Variants in PAPSS2 observed in about 807,000 individuals in gnomAD.
PAPSS2 encodes the protein 3'-phosphoadenosine 5'-phosphosulfate synthase 2, also known as bifunctional 3'-phosphoadenosine 5'-phosphosulfate synthase 2.
PAPSS2 carries 61 observed loss-of-function variants against 66.5 expected under a neutral mutation model. The ratio of observed to expected loss-of-function variants is 0.92; its 90% CI spans 0.75 to 1.14. The LOEUF (loss-of-function observed/expected upper bound fraction) is 1.14. Among genes scored for constraint, PAPSS2 ranks in the 50% most tolerant of loss-of-function variants. The probability of loss-of-function intolerance (pLI) is 0.00; values close to 1 mark genes in which losing one functional copy is unlikely to be tolerated. For synonymous variants in PAPSS2, 289 were observed against 287.5 expected (o/e 1.01, Z -0.05); for missense variants, 708 against 789.6 (o/e 0.90, Z 1.24).
chr10:87,691,068 C>T (rs551936333), intron 1 of PAPSS2, among the ~76,000 whole-genome samples: 1 of 152,170 alleles, frequency 6.6e-6, no homozygotes, highest in Non-Finnish European at 1.5e-5. Context: ...CTGTAGAGCT[C>T]ATCTTACAGT....
intron 1 of PAPSS2, among the ~76,000 whole-genome samples, chr10:87,701,324 C>CT (rs1480885308): frequency 3.2e-3 from 245 of 75,850 alleles, no homozygotes; most frequent in African/African-American, 6.7e-3. Context: ...TCCTTCCTTC[C>CT]TTCCTTTCTT....
At chr10:87,678,211 A>G (rs994198923) in intron 1 of PAPSS2, among the ~76,000 whole-genome samples, 2 of 152,186 alleles carry the variant, frequency 1.3e-5, no homozygotes, top group Admixed American at 6.5e-5. Context: ...ACCCTCTTCA[A>G]TAAATGGTGC....
chr10:87,691,034 T>G (rs1853165533), intron 1 of PAPSS2, among the ~76,000 whole-genome samples: 1 of 152,160 alleles, frequency 6.6e-6, no homozygotes, highest in Non-Finnish European at 1.5e-5. Flanking sequence ...TTTCTATCTT[T>G]CTACACAGTG....
At position 87,680,206 on chromosome 10, in the gene PAPSS2, T is replaced by A. The variant is rs77167194; in HGVS notation, c.27+20198T>A. On this transcript the variant is annotated intron_variant, in intron 1 of 12. Coordinates refer to ENST00000456849, the MANE Select transcript of PAPSS2 (RefSeq NM_001015880.2). The stretch of plus-strand genomic sequence containing the variant: ...GTTGTCCAGTTGTCACTTTGGGCAC[T>A]AAAGAGGGACTTACTCTCAGATTTG... 5.6e-3 allele frequency among the ~76,000 whole-genome samples: 846 copies of A among 152,326 alleles called. 9 individuals carry two copies. Among genetic ancestry groups the A allele is most frequent in the African/African-American group, 0.019 (794 of 41,570 alleles).
At position 87,727,386 on chromosome 10, in the gene PAPSS2, G is replaced by A. The variant is rs147682410; in HGVS notation, c.983G>A (p.Arg328Gln). The change falls in exon 9 of 13, where the codon CGG becomes CAG. Residue 328 changes from arginine to glutamine, a missense_variant. Physicochemically the swap from Arg to Gln is conservative, Grantham distance 43 (BLOSUM62 1). Transcript: ENST00000456849. Reference sequence around the variant, plus strand: ...AAGTTTGTCCTGGCACATGGTGGACGGAGGGTAGCTATCTTACGAGACGCT... The same window carrying A: ...AAGTTTGTCCTGGCACATGGTGGACAGAGGGTAGCTATCTTACGAGACGCT... ...CSKFVLAHGG[R>Q]RVAILRDAEF... is the part of the protein sequence containing the mutation. 44 of 1,614,026 alleles carry A rather than the reference G, an allele frequency of 2.7e-5. No individual in the cohort carries two copies. Among genetic ancestry groups the A allele is most frequent in the Non-Finnish European group, 3.6e-5 (42 of 1,179,932 alleles).
At position 87,745,036 on chromosome 10, in the gene PAPSS2, G is replaced by A. The variant is rs746788892; in HGVS notation, c.1526G>A (p.Gly509Asp). ...QWHCRSRMIAGANFYIVGRDP... is the reference protein window; with the variant it reads ...QWHCRSRMIADANFYIVGRDP... The stretch of plus-strand genomic sequence containing the variant: ...CACTGCAGGTCCCGGATGATTGCGG[G>A]TGCCAATTTCTACATTGTGGGGAGG... Residue 509 changes from glycine (G) to aspartate (D), a missense_variant, in exon 12 of 13, where the codon GGT becomes GAT. Physicochemically the swap from Gly to Asp is moderately conservative, Grantham distance 94. Transcript: ENST00000456849. 8.7e-6 allele frequency: 14 copies of A among 1,614,010 alleles called. No homozygotes were observed. Among genetic ancestry groups the A allele is most frequent in the African/African-American group, 2.7e-5 (2 of 74,928 alleles).
intron 8 of PAPSS2, among the ~76,000 whole-genome samples, chr10:87,723,940 GT>G (rs1853627241): frequency 6.6e-6 from 1 of 152,128 alleles, no homozygotes; most frequent in Admixed American, 6.5e-5. Context: ...GGAGTTAAAT[GT>G]TTTCTTTATT....
At chr10:87,688,426 T>C (rs907966908) in intron 1 of PAPSS2, among the ~76,000 whole-genome samples, 5 of 140,886 alleles carry the variant, frequency 3.5e-5, no homozygotes, top group African/African-American at 1.3e-4. Flanking sequence ...TGAAGAACTA[T>C]GGAAATTTCT....
chr10:87,663,342 C>A (rs1258737284), intron 1 of PAPSS2, among the ~76,000 whole-genome samples: 1 of 152,042 alleles, frequency 6.6e-6, no homozygotes, highest in Non-Finnish European at 1.5e-5. Flanking sequence ...GAACTCCTGA[C>A]CTCAGGTGAT....
chr10:87,704,065 C>A, intron 1 of PAPSS2: 1 of 490,348 alleles, frequency 2.0e-6, no homozygotes, highest in East Asian at 5.7e-5. Flanking sequence ...ACTCTGCCCC[C>A]TTGCAGTTCA....
intron 9 of PAPSS2, among the ~76,000 whole-genome samples, chr10:87,730,074 G>A (rs1433462153): frequency 6.6e-6 from 1 of 152,218 alleles, no homozygotes; most frequent in African/African-American, 2.4e-5. Flanking sequence ...AAAAGTTCTT[G>A]AAGGAAATTA....
intron 10 of PAPSS2, among the ~76,000 whole-genome samples, chr10:87,743,063 T>C (rs1247162767): frequency 6.6e-6 from 1 of 152,078 alleles, no homozygotes; most frequent in Non-Finnish European, 1.5e-5. Flanking sequence ...CTGGCCAACA[T>C]GGTGAAACCC....
intron 10 of PAPSS2, 89 bp downstream of exon 10, chr10:87,741,459 A>T (rs1274440609): frequency 8.9e-7 from 1 of 1,128,590 alleles, no homozygotes; most frequent in East Asian, 2.6e-5. Flanking sequence ...CAATGGCACG[A>T]TCTCAGCTCA....
intron 11 of PAPSS2, among the ~76,000 whole-genome samples, chr10:87,744,242 C>T (rs2131731781): frequency 6.6e-6 from 1 of 152,284 alleles, no homozygotes; most frequent in South Asian, 2.1e-4. Context: ...ACCTAATATT[C>T]AATTTCAGAA....
At chr10:87,723,700 C>T (rs1853624424) in intron 8 of PAPSS2, among the ~76,000 whole-genome samples, 1 of 152,044 alleles carries the variant, frequency 6.6e-6, no homozygotes, top group African/African-American at 2.4e-5. Context: ...CGGTGACATT[C>T]TTTAGGTTCT....
rs753874944 is a variant in PAPSS2 at position 87,709,198 on chromosome 10, G to C, written c.30G>C (p.Glu10Asp). The C allele has an allele frequency of 8.7e-6, 14 of 1,603,284 alleles. No individual in the cohort carries two copies. The East Asian group carries it at 3.1e-4, about 36-fold the overall frequency. Reference protein sequence around the residue: MSGIKKQKTENQQKSTNVVY... With the variant: MSGIKKQKTDNQQKSTNVVY... Reference sequence around the variant, plus strand: ...CTTGGTTTTGTCTTATTTTATAGGAGAACCAGCAGAAATCCACCAATGTAG... The same window carrying C: ...CTTGGTTTTGTCTTATTTTATAGGACAACCAGCAGAAATCCACCAATGTAG... Residue 10 changes from glutamate to aspartate, a missense_variant and splice_region_variant, in exon 2 of 13, where the codon GAG (glutamate) becomes GAC (aspartate). Coordinates refer to ENST00000456849, the MANE Select transcript of PAPSS2 (RefSeq NM_001015880.2).
chr10:87,729,937 A>G (rs1853708423), intron 9 of PAPSS2, among the ~76,000 whole-genome samples: 1 of 152,180 alleles, frequency 6.6e-6, no homozygotes. Flanking sequence ...TGGAGGTTGC[A>G]CTGAGCCGAG....
chr10:87,707,433 A>C (rs949642380), intron 1 of PAPSS2, among the ~76,000 whole-genome samples: 1 of 151,916 alleles, frequency 6.6e-6, no homozygotes, highest in Non-Finnish European at 1.5e-5. Context: ...GAACTTTGCC[A>C]TTTGCATGTT....
Position 87,741,246 on chromosome 10 carries a change from A to C in PAPSS2, c.1098A>C (p.Glu366Asp). 1.9e-6 allele frequency: 3 copies of C among 1,613,834 alleles called. No homozygotes were observed. Among genetic ancestry groups the C allele is most frequent in the Non-Finnish European group, 2.5e-6 (3 of 1,179,686 alleles). Residue 366 changes from glutamate (E) to aspartate (D), a missense_variant, in exon 10 of 13, where the codon GAA becomes GAC. Glu to Asp is a conservative substitution (Grantham distance 45). Transcript: ENST00000456849. ...AATGTTCTTTCTAGATGGTGATGGA[A>C]AGTGGGGACTGGCTGGTTGGTGGAG... ...TKHPHIKMVM[E>D]SGDWLVGGDL...
Sources: allele counts gnomAD v4.1 joint callset (sites outside exome capture counted in the v4.1 genomes callset), GRCh38; gene constraint gnomAD v4.1.1; transcripts MANE v1.5; gene names NCBI Gene and HGNC (gene_info 2026-07-23, HGNC 2026-07-21).